Variants in PDXDC1 observed in about 807,000 individuals in gnomAD.
PDXDC1 encodes pyridoxal dependent decarboxylase domain containing 1, also known as pyridoxal-dependent decarboxylase domain-containing protein 1.
A neutral mutation model predicts 100.1 loss-of-function variants in PDXDC1; 42 were observed. That is an observed-to-expected ratio of 0.42 (90% CI 0.33 to 0.54). PDXDC1 has a LOEUF of 0.54. PDXDC1 is among the 20% of genes least tolerant of loss of function. The pLI is 0.10. For missense variants in PDXDC1, 636 were observed against 979.2 expected, an observed-to-expected ratio of 0.65 and a Z score of 4.68; for synonymous variants, 260 against 371.7, an observed-to-expected ratio of 0.70 and a Z score of 3.46.
At chr16:15,042,718 C>CTATTTATT (rs58123477), downstream of PDXDC1, among the ~76,000 whole-genome samples, 32,607 of 146,912 alleles carry the variant, frequency 0.22, 4,778 homozygotes, top group Middle Eastern at 0.37. Flanking sequence ...AAAGGATGAA[C>CTATTTATT]TATTTATTTA....
chr16:15,051,852 C>G (rs1039076612), intron 16 of PDXDC1, among the ~76,000 whole-genome samples: 10 of 152,094 alleles, frequency 6.6e-5, no homozygotes, highest in Admixed American at 1.3e-4. Flanking sequence ...CACAGGCGCA[C>G]GCCACCACAC....
chr16:15,085,088 G>C (rs1363846199), intron 16 of PDXDC1, among the ~76,000 whole-genome samples: 4 of 151,686 alleles, frequency 2.6e-5, no homozygotes, highest in Non-Finnish European at 5.9e-5. Flanking sequence ...AACAAAAAGT[G>C]ACATACTTGA....
intron 4 of PDXDC1, among the ~76,000 whole-genome samples, chr16:15,003,841 G>A (rs372909049): frequency 2.0e-5 from 3 of 152,208 alleles, no homozygotes; most frequent in Non-Finnish European, 2.9e-5. Context: ...AAAATTAGCC[G>A]GGCTTGGTGG....
intron 1 of PDXDC1, among the ~76,000 whole-genome samples, chr16:14,993,883 C>G (rs1186083527): frequency 6.6e-6 from 1 of 152,396 alleles, no homozygotes; most frequent in East Asian, 1.9e-4. Flanking sequence ...TTGCATTTCT[C>G]TGATGGCCAG....
chr16:15,057,039 C>A (rs1355653606), intron 16 of PDXDC1, among the ~76,000 whole-genome samples: 2 of 152,094 alleles, frequency 1.3e-5, no homozygotes, highest in Non-Finnish European at 2.9e-5. Context: ...CAAATTCATC[C>A]AACTCTGCAG....
At chr16:15,146,799 G>A in the PDXDC1 span, among the ~76,000 whole-genome samples, 2 of 152,112 alleles carry the variant, frequency 1.3e-5, no homozygotes, top group African/African-American at 4.8e-5. Flanking sequence ...TGAGGGAACC[G>A]ACAGAGCTAC....
chr16:15,095,882 G>GTA (rs967283315), intron 16 of PDXDC1, among the ~76,000 whole-genome samples: 1 of 150,054 alleles, frequency 6.7e-6, no homozygotes, highest in African/African-American at 2.4e-5. Flanking sequence ...GTGTGTGTGT[G>GTA]TGTGTGTGTG....
At chr16:14,984,786 C>T (rs1248391574) in intron 1 of PDXDC1, among the ~76,000 whole-genome samples, 9 of 152,186 alleles carry the variant, frequency 5.9e-5, no homozygotes, top group African/African-American at 1.7e-4. Context: ...GCCACCGCTG[C>T]CAGCCAAATG....
At chr16:15,084,483 T>C (rs1475604425) in intron 16 of PDXDC1, among the ~76,000 whole-genome samples, 5 of 152,086 alleles carry the variant, frequency 3.3e-5, no homozygotes, top group Admixed American at 2.0e-4. Context: ...AAAATGGAAA[T>C]GCCACTTTTT....
intron 8 of PDXDC1, among the ~76,000 whole-genome samples, chr16:15,013,516 GCT>G (rs1436233807): frequency 6.6e-6 from 1 of 152,236 alleles, no homozygotes; most frequent in East Asian, 1.9e-4. Context: ...ATGGTTACAT[GCT>G]CTATATATTT....
At chr16:14,987,950 A>G (rs1342656275) in intron 1 of PDXDC1, among the ~76,000 whole-genome samples, 5 of 149,018 alleles carry the variant, frequency 3.4e-5, no homozygotes, top group African/African-American at 7.4e-5. Context: ...ACATTTTCCT[A>G]TGTACTAACT....
chr16:15,036,362 A>G lies in PDXDC1; in HGVS notation c.*87A>G, dbSNP rs2151665987. ...GAAATGTGAACTGTGCCACATACTAATATAAATTACTGTTGTTTGTGCTTC... is the reference window on the plus strand; with the variant it reads ...GAAATGTGAACTGTGCCACATACTAGTATAAATTACTGTTGTTTGTGCTTC... On this transcript the variant is annotated 3_prime_UTR_variant, in exon 23 of 23. Coordinates refer to ENST00000396410, the MANE Select transcript of PDXDC1 (RefSeq NM_015027.4). 2 of 1,247,358 alleles carry G rather than the reference A, an allele frequency of 1.6e-6. No individual in the cohort carries two copies. Among genetic ancestry groups the G allele is most frequent in the African/African-American group, 1.5e-5 (1 of 66,594 alleles). 77.3% of individuals were successfully genotyped at this position (1,247,358 alleles called of 1,614,324 possible).
intron 16 of PDXDC1, chr16:15,094,387 C>A (rs1173725293): frequency 1.5e-6 from 1 of 659,412 alleles, no homozygotes; most frequent in Non-Finnish European, 2.6e-6. Flanking sequence ...GGCTAGAGCG[C>A]CGCTGAAACC....
At chr16:15,055,637 T>C (rs2044479235) in intron 16 of PDXDC1, 1 of 338,278 alleles carries the variant, frequency 3.0e-6, no homozygotes, top group Middle Eastern at 7.4e-4. Flanking sequence ...CTGTGCGACC[T>C]TGGGCAAGTC....
At chr16:14,999,820 G>A (rs1972768948) in intron 3 of PDXDC1, among the ~76,000 whole-genome samples, 2 of 152,234 alleles carry the variant, frequency 1.3e-5, no homozygotes, top group South Asian at 2.1e-4. Context: ...GTTAATCTGG[G>A]ATTAGTATCC....
chr16:15,109,836 G>A (rs1186990873), intron 16 of PDXDC1, among the ~76,000 whole-genome samples: 25 of 137,778 alleles, frequency 1.8e-4, no homozygotes, highest in Middle Eastern at 3.6e-3. Flanking sequence ...GCGACAGAGC[G>A]AGACTCTATC....
Position 15,032,853 on chromosome 16 carries a change from T to C in PDXDC1, c.1572-8T>C. ...AAGCTGAAATGCTGTGGTTTGATGT[T>C]GTTTTAGGTATGAACATGCTAATGA... On this transcript the variant is annotated splice_polypyrimidine_tract_variant and splice_region_variant and intron_variant, in intron 17 of 22. Coordinates refer to ENST00000396410, the MANE Select transcript of PDXDC1 (RefSeq NM_015027.4). The C allele has an allele frequency of 6.9e-7, 1 of 1,441,720 alleles. No individual in the cohort carries two copies. Among genetic ancestry groups the C allele is most frequent in the South Asian group, 1.1e-5 (1 of 87,472 alleles). 89.3% of individuals were successfully genotyped at this position (1,441,720 alleles called of 1,614,324 possible). A position where few individuals can be genotyped will look rare whatever the true frequency, so the allele number is the denominator to read the frequency against.
At chr16:14,977,694 CT>C (rs1390357734) in intron 1 of PDXDC1, among the ~76,000 whole-genome samples, 1 of 152,400 alleles carries the variant, frequency 6.6e-6, no homozygotes, top group Non-Finnish European at 1.5e-5. Flanking sequence ...ATGTTGATGA[CT>C]TTATGTTCTG....
chr16:15,125,124 G>A (rs2047634308), intron 16 of PDXDC1: 1 of 453,384 alleles, frequency 2.2e-6, no homozygotes, highest in Admixed American at 3.6e-5. Context: ...TCCAGCCTGG[G>A]TGACAGAATG....
Sources: allele counts gnomAD v4.1 joint callset (sites outside exome capture counted in the v4.1 genomes callset), GRCh38; gene constraint gnomAD v4.1.1; transcripts MANE v1.5; gene names NCBI Gene and HGNC (gene_info 2026-07-23, HGNC 2026-07-21).